The following KIF7 variants were observed in gnomAD, a reference collection of about 807,000 sequenced individuals.
The protein encoded by KIF7 is kinesin family member 7.
In KIF7, 104 loss-of-function variants were observed where a neutral mutation model predicts 135.7. The ratio of observed to expected loss-of-function variants is 0.77; its 90% CI spans 0.65 to 0.90. The LOEUF (loss-of-function observed/expected upper bound fraction) is 0.90, where lower values mean the gene tolerates loss of function less well. Among genes scored for constraint, KIF7 ranks in the 40% least tolerant of loss-of-function variants. The pLI is 0.00. For missense variants in KIF7, 2,005 were observed against 1,839.1 expected (o/e 1.09, Z -1.65); for synonymous variants, 883 against 809.4 (o/e 1.09, Z -1.54).
intron 2 of KIF7, among the ~76,000 whole-genome samples, chr15:89,651,349 C>T (rs1338477517): frequency 2.0e-4 from 30 of 152,164 alleles, no homozygotes; most frequent in Admixed American, 2.0e-3. Context: ...CTGCCCACCT[C>T]GGCCTCCCAA....
intron 6 of KIF7, 28 bp from the exon 7 acceptor site, chr15:89,647,085 G>A (rs1964027753): frequency 6.5e-7 from 1 of 1,540,624 alleles, no homozygotes; most frequent in Non-Finnish European, 8.8e-7. Context: ...GGTGCCAAGG[G>A]GGCATGAATG....
rs554727510 is a variant in KIF7 at position 89,646,241 on chromosome 15, A to G, written c.1789-215T>C. ...TGCTTTGGCTCCCATGATACCTGGT[A>G]CTCCTCAGGTGACAATCTGCCCTTT... On this transcript the variant is annotated intron_variant, in intron 7 of 18. Coordinates refer to ENST00000394412, the MANE Select transcript of KIF7 (RefSeq NM_198525.3). Among the ~76,000 whole-genome samples, 55 of 151,402 alleles carry G rather than the reference A, an allele frequency of 3.6e-4. No homozygotes were observed. In the South Asian group the frequency reaches 0.01, roughly 29 times the overall value.
At chr15:89,618,166 G>C in exon 2 of KIF7, 3 of 1,614,124 alleles carry the variant, frequency 1.9e-6, no homozygotes, top group Non-Finnish European at 2.5e-6. Context: ...TCTGATCCTG[G>C]TCCTGATATT....
chr15:89,623,752 A>T, downstream of KIF7: 1 of 1,614,086 alleles, frequency 6.2e-7, no homozygotes, highest in Non-Finnish European at 8.5e-7. Context: ...AATGACCCCT[A>T]CAAAGCAGGC....
rs1964077171 is a variant in KIF7 at position 89,649,096 on chromosome 15, C to G, written c.801G>C (p.Glu267Asp). 1 of 1,547,916 alleles carries G rather than the reference C, an allele frequency of 6.5e-7. No homozygotes were observed. The highest frequency in any genetic ancestry group is 2.4e-5 in the East Asian group (1 of 40,896). Residue 267 changes from glutamate (E) to aspartate (D), a missense_variant, in exon 4 of 19, where the codon GAG (glutamate) becomes GAC (aspartate). Physicochemically the swap from Glu to Asp is conservative, Grantham distance 45. Transcript: ENST00000394412. Reference sequence around the variant, plus strand: ...TGATCTGGATGCTCTCCTTGAGCCGCTCGCCGGTGCTGCCCGTCTTGAGCA... The same window carrying G: ...TGATCTGGATGCTCTCCTTGAGCCGGTCGCCGGTGCTGCCCGTCTTGAGCA... ...ERVLKTGSTGERLKESIQINS... is the reference protein window; with the variant it reads ...ERVLKTGSTGDRLKESIQINS...
intron 2 of KIF7, among the ~76,000 whole-genome samples, chr15:89,651,497 G>A (rs1030658856): frequency 6.6e-6 from 1 of 152,202 alleles, no homozygotes; most frequent in African/African-American, 2.4e-5. Flanking sequence ...GCCTCCCAAA[G>A]TGCTGGGATT....
At chr15:89,625,381 G>T (rs780360980), downstream of KIF7, 11 of 1,613,966 alleles carry the variant, frequency 6.8e-6, no homozygotes, top group Non-Finnish European at 9.3e-6. Flanking sequence ...GAGGAAGAGG[G>T]CGGTGGGCTG....
rs1242723111 is a variant in KIF7 at position 89,648,992 on chromosome 15, C to A, written c.905G>T (p.Arg302Leu). 6.5e-7 allele frequency: 1 copy of A among 1,542,870 alleles called. No individual in the cohort carries two copies. Among genetic ancestry groups the A allele is most frequent in the Non-Finnish European group, 8.7e-7 (1 of 1,143,848 alleles). The change falls in exon 4 of 19, where the codon CGC becomes CTC. Residue 302 changes from arginine to leucine, a missense_variant. By Grantham distance (102) the Arg-to-Leu change is moderately radical. Coordinates refer to ENST00000394412, the MANE Select transcript of KIF7 (RefSeq NM_198525.3). ...PQRRGSHIPY[R>L]DSKITRILKD... ...AGCTCACCGGGTGATCTTGGAGTCG[C>A]GGTAGGGTATGTGGCTGCCCCGGCG...
chr15:89,631,174 A>G, intron 15 of KIF7: 1 of 364,964 alleles, frequency 2.7e-6, no homozygotes, highest in Non-Finnish European at 5.1e-6. Context: ...TGCACTGAGT[A>G]TGCGCCTGAC....
intron 11 of KIF7, among the ~76,000 whole-genome samples, chr15:89,641,281 A>G (rs1963915393): frequency 6.6e-6 from 1 of 152,130 alleles, no homozygotes; most frequent in Non-Finnish European, 1.5e-5. Context: ...CTGCACACCA[A>G]GAAGTGAGGC....
chr15:89,654,678 C>T (rs1471626209), intron 1 of KIF7, among the ~76,000 whole-genome samples: 1 of 152,182 alleles, frequency 6.6e-6, no homozygotes, highest in Non-Finnish European at 1.5e-5. Flanking sequence ...CACCAGCGCC[C>T]AACACAAGGT....
intron 17 of KIF7, 63 bp from the exon 18 acceptor site, chr15:89,629,185 G>A: frequency 1.6e-6 from 2 of 1,241,502 alleles, no homozygotes; most frequent in Non-Finnish European, 1.1e-6. Flanking sequence ...GGCCAGGGCT[G>A]TGGGGGTGGG....
chr15:89,633,865 G>T lies in KIF7; in HGVS notation c.2413C>A (p.Gln805Lys). 6.2e-7 allele frequency: 1 copy of T among 1,613,798 alleles called. No homozygotes were observed. Among genetic ancestry groups the T allele is most frequent in the Non-Finnish European group, 8.5e-7 (1 of 1,180,044 alleles). Residue 805 changes from glutamine to lysine, a missense_variant, in exon 12 of 19, where the codon CAG becomes AAG. By Grantham distance (53) the Gln-to-Lys change is moderately conservative (BLOSUM62 1). Transcript: ENST00000394412. ...SQVQVLKEKK[Q>K]ATERLVSLSA... ...AGTGACACCAGCCGCTCCGTAGCCT[G>T]CTTCTTCTCCTTCAGCACCTGGGAC...
intron 7 of KIF7, 95 bp from the exon 8 acceptor site, chr15:89,646,121 G>T: frequency 6.7e-7 from 1 of 1,498,270 alleles, no homozygotes; most frequent in Non-Finnish European, 9.2e-7. Flanking sequence ...CTCAAGCCCT[G>T]CCTTACCTTC....
At chr15:89,643,712 C>A (rs991929676) in intron 10 of KIF7, among the ~76,000 whole-genome samples, 3 of 152,118 alleles carry the variant, frequency 2.0e-5, no homozygotes, top group Non-Finnish European at 4.4e-5. Flanking sequence ...TGGTGAAACC[C>A]CGTCTCTACT....
Position 89,652,729 on chromosome 15 carries a change from C to T in KIF7, c.202G>A (p.Glu68Lys). The change falls in exon 2 of 19, where the codon GAG becomes AAG. Residue 68 changes from glutamate (E) to lysine (K), a missense_variant. Glu to Lys is a moderately conservative substitution (Grantham distance 56). Transcript: ENST00000394412. ...HVVLAEDAGQ[E>K]AVYQACVQPL... ...TGAACGCAGGCCTGGTACACGGCCT[C>T]CTGCCCCGCATCCTCGGCCAGCACC... 6.4e-7 allele frequency: 1 copy of T among 1,551,764 alleles called. No individual in the cohort carries two copies. Among genetic ancestry groups the T allele is most frequent in the Non-Finnish European group, 8.7e-7 (1 of 1,146,994 alleles).
intron 1 of KIF7, chr15:89,621,582 T>A (rs1342802204): frequency 6.4e-7 from 1 of 1,573,954 alleles, no homozygotes; most frequent in Non-Finnish European, 8.6e-7. Context: ...TGAAATAATA[T>A]AATCTCCTGG....
chr15:89,618,132 TG>T, exon 2 of KIF7: 1 of 1,613,492 alleles, frequency 6.2e-7, no homozygotes, highest in Non-Finnish European at 8.5e-7. Flanking sequence ...GAGTAATCCT[TG>T]TGCATGTGGT....
chr15:89,642,380 G>C lies in KIF7; in HGVS notation c.2217C>G (p.Arg739=). Residue 739 remains arginine (R), a synonymous_variant, in exon 11 of 19, where the codon CGC becomes CGG. Coordinates refer to ENST00000394412, the MANE Select transcript of KIF7 (RefSeq NM_198525.3). ...GCTCCCGGATACGCTGGCTGTGCTG[G>C]CGGTTCAGGGCCTGAGCTGCCTTTC... The part of the protein sequence containing the change: ...RTGKAAQALN[R]QHSQRIRELE... 6.2e-7 allele frequency: 1 copy of C among 1,605,550 alleles called. No homozygotes were observed. The highest frequency in any genetic ancestry group is 2.2e-5 in the East Asian group (1 of 44,604).
Sources: allele counts gnomAD v4.1 joint callset (sites outside exome capture counted in the v4.1 genomes callset), GRCh38; gene constraint gnomAD v4.1.1; transcripts MANE v1.5; gene names NCBI Gene and HGNC (gene_info 2026-07-23, HGNC 2026-07-21).